Variants in DCC observed in about 807,000 individuals in gnomAD.
The protein encoded by DCC is netrin receptor DCC.
DCC carries 58 observed loss-of-function variants against 172.5 expected under a neutral mutation model. The observed-to-expected ratio is 0.34, with a 90% CI of 0.27 to 0.42. The LOEUF (loss-of-function observed/expected upper bound fraction) is 0.42, where lower values mean the gene tolerates loss of function less well. DCC is among the 10% of genes least tolerant of loss of function. The pLI is 1.00. For missense variants in DCC, 1,740 were observed against 1,791.0 expected (o/e 0.97, Z 0.51); for synonymous variants, 709 against 644.5 (o/e 1.10, Z -1.52).
At chr18:52,925,928 G>T in intron 5 of DCC, among the ~76,000 whole-genome samples, 1 of 143,476 alleles carries the variant, frequency 7.0e-6, no homozygotes, top group East Asian at 2.0e-4. Flanking sequence ...TATTCCAAAA[G>T]GCAGGGTTAC....
At chr18:52,877,892 T>C (rs1282153602) in intron 2 of DCC, among the ~76,000 whole-genome samples, 1 of 152,126 alleles carries the variant, frequency 6.6e-6, no homozygotes, top group Non-Finnish European at 1.5e-5. Flanking sequence ...TCCTAAAACA[T>C]GCACCAAGTA....
In DCC at chr18:53,498,363, C is replaced by G. The variant is rs552791732; in HGVS notation, c.3899-935C>G. Among the ~76,000 whole-genome samples, 18 of 152,184 alleles carry G rather than the reference C, an allele frequency of 1.2e-4. No individual in the cohort carries two copies. The South Asian group carries it at 2.7e-3, about 23-fold the overall frequency. ...CTGCATTTTGTTTTGATTTATCTGA[C>G]AAAACTTTATTAAGAAATAAGTCAT... is the stretch of plus-strand genomic sequence containing the variant. On this transcript the variant is annotated intron_variant, in intron 26 of 28. Transcript: ENST00000442544.
At position 53,339,935 on chromosome 18, in the gene DCC, A is replaced by G. The variant is rs369098663; in HGVS notation, c.2359+28A>G. On this transcript the variant is annotated intron_variant, in intron 15 of 28. Coordinates refer to ENST00000442544, the MANE Select transcript of DCC (RefSeq NM_005215.4). Reference sequence around the variant, plus strand: ...GAGTATCTGTGATTTTTTTTATTCTATTAAGGGGAATTAATGATTTATTTT... The same window carrying G: ...GAGTATCTGTGATTTTTTTTATTCTGTTAAGGGGAATTAATGATTTATTTT... 191 of 1,562,954 alleles carry G rather than the reference A, an allele frequency of 1.2e-4. No individual in the cohort carries two copies. The African/African-American group carries it at 2.1e-3, about 17-fold the overall frequency.
At chr18:53,299,975 G>C (rs2057113167) in intron 12 of DCC, among the ~76,000 whole-genome samples, 1 of 152,118 alleles carries the variant, frequency 6.6e-6, no homozygotes, top group African/African-American at 2.4e-5. Flanking sequence ...TCTAAAGTAA[G>C]TGCAAAAAAT....
chr18:52,548,207 T>C (rs2032668317), intron 1 of DCC, among the ~76,000 whole-genome samples: 1 of 152,188 alleles, frequency 6.6e-6, no homozygotes, highest in Non-Finnish European at 1.5e-5. Context: ...AACACAGGAA[T>C]GGTTGCTTCC....
chr18:52,450,175 G>A (rs1988257430), intron 1 of DCC, among the ~76,000 whole-genome samples: 1 of 152,192 alleles, frequency 6.6e-6, no homozygotes, highest in Non-Finnish European at 1.5e-5. Context: ...TTTCAGGAAT[G>A]TTCGCCAACA....
intron 5 of DCC, among the ~76,000 whole-genome samples, chr18:53,052,812 T>C (rs1231032604): frequency 2.0e-5 from 3 of 152,046 alleles, no homozygotes; most frequent in Non-Finnish European, 4.4e-5. Context: ...CTCCATCCCC[T>C]GTGTGTCTCC....
At chr18:52,915,817 C>A (rs1249642961) in intron 3 of DCC, among the ~76,000 whole-genome samples, 1 of 152,014 alleles carries the variant, frequency 6.6e-6, no homozygotes, top group South Asian at 2.1e-4. Context: ...TTGAGAGATA[C>A]AAAACCATTT....
intron 2 of DCC, among the ~76,000 whole-genome samples, chr18:52,803,818 A>C (rs2038037694): frequency 6.6e-6 from 1 of 152,246 alleles, no homozygotes; most frequent in Non-Finnish European, 1.5e-5. Flanking sequence ...GAGTTTGTAA[A>C]AGAATAGGTA....
At position 53,286,622 on chromosome 18, in the gene DCC, T is replaced by C. The variant is rs543744130; in HGVS notation, c.1912-18956T>C. Reference sequence around the variant, plus strand: ...AGATGTCCTCAGAGGCAGCACTTGATGCAATGGAGTAGGACTCATTGCTCT... The same window carrying C: ...AGATGTCCTCAGAGGCAGCACTTGACGCAATGGAGTAGGACTCATTGCTCT... On this transcript the variant is annotated intron_variant, in intron 12 of 28. Transcript: ENST00000442544. 2.0e-5 allele frequency among the ~76,000 whole-genome samples: 3 copies of C among 152,332 alleles called. No individual in the cohort carries two copies. In the South Asian group the frequency reaches 6.2e-4, roughly 32 times the overall value.
At chr18:52,928,630 G>C (rs1024140797) in intron 5 of DCC, among the ~76,000 whole-genome samples, 2 of 152,118 alleles carry the variant, frequency 1.3e-5, no homozygotes, top group African/African-American at 4.8e-5. Flanking sequence ...AGCATTTACT[G>C]AGTTCAAACC....
chr18:53,317,504 TAG>T (rs2057358188), intron 13 of DCC, among the ~76,000 whole-genome samples: 1 of 152,190 alleles, frequency 6.6e-6, no homozygotes, highest in African/African-American at 2.4e-5. Flanking sequence ...TAAAATGAGT[TAG>T]AGAGGAGTCC....
At chr18:52,886,363 C>T (rs1483536331) in intron 2 of DCC, among the ~76,000 whole-genome samples, 1 of 152,142 alleles carries the variant, frequency 6.6e-6, no homozygotes, top group Non-Finnish European at 1.5e-5. Flanking sequence ...TCCCCTCTGG[C>T]TAGGCTCGTC....
chr18:52,367,992 C>T (rs1310270999), intron 1 of DCC, among the ~76,000 whole-genome samples: 1 of 152,200 alleles, frequency 6.6e-6, no homozygotes, highest in African/African-American at 2.4e-5. Flanking sequence ...TGTGAACTCA[C>T]TAATAAGCAA....
intron 1 of DCC, among the ~76,000 whole-genome samples, chr18:52,675,280 C>A (rs2035628781): frequency 6.6e-6 from 1 of 152,104 alleles, no homozygotes; most frequent in Non-Finnish European, 1.5e-5. Flanking sequence ...GGCTTGAACT[C>A]CTGACCTCAA....
intron 1 of DCC, among the ~76,000 whole-genome samples, chr18:52,392,082 A>T (rs1986050997): frequency 6.6e-6 from 1 of 152,160 alleles, no homozygotes; most frequent in South Asian, 2.1e-4. Flanking sequence ...CTGGTAGAGC[A>T]CACATGCTCA....
intron 25 of DCC, among the ~76,000 whole-genome samples, chr18:53,482,094 G>A (rs2045839335): frequency 6.6e-6 from 1 of 151,888 alleles, no homozygotes; most frequent in Non-Finnish European, 1.5e-5. Flanking sequence ...GTGTATTTCC[G>A]ACTTTCAAAA....
intron 1 of DCC, among the ~76,000 whole-genome samples, chr18:52,529,342 G>T (rs1465148292): frequency 1.3e-5 from 2 of 152,160 alleles, no homozygotes; most frequent in African/African-American, 4.8e-5. Context: ...CCAGGCTGGA[G>T]TGCAGTGGCA....
intron 1 of DCC, among the ~76,000 whole-genome samples, chr18:52,604,035 T>G (rs1368470188): frequency 6.6e-6 from 1 of 151,996 alleles, no homozygotes; most frequent in Non-Finnish European, 1.5e-5. Flanking sequence ...TATTTTTTTT[T>G]TAAGTAAAGG....
Sources: allele counts gnomAD v4.1 joint callset (sites outside exome capture counted in the v4.1 genomes callset), GRCh38; gene constraint gnomAD v4.1.1; transcripts MANE v1.5; gene names NCBI Gene and HGNC (gene_info 2026-07-23, HGNC 2026-07-21).